The following DDX60L variants were observed in gnomAD, a reference collection of about 807,000 sequenced individuals.
The protein encoded by DDX60L is DExD/H-box 60 like, also known as probable ATP-dependent RNA helicase DDX60-like.
Under a neutral mutation model 211.6 loss-of-function variants are expected in DDX60L, and 191 were observed. The ratio of observed to expected loss-of-function variants is 0.90; its 90% confidence interval spans 0.80 to 1.02. DDX60L has a LOEUF of 1.02. Among genes scored for constraint, DDX60L ranks in the 50% least tolerant of loss-of-function variants. The pLI, the probability that DDX60L is intolerant of heterozygous loss-of-function variation, is 0.00. For synonymous variants in DDX60L, 706 were observed against 694.1 expected (o/e 1.02, Z -0.27); for missense variants, 2,007 against 1,984.1 (o/e 1.01, Z -0.22).
At chr4:168,449,651 G>GCAAAAAAAAAAAAAAAAAAAAAAAAAAAA (rs1247848834) in intron 8 of DDX60L, among the ~76,000 whole-genome samples, 1 of 7,516 alleles carries the variant, frequency 1.3e-4, no homozygotes, top group Admixed American at 1.6e-3. Flanking sequence ...AAAAAAAAAT[G>GCAAAAAAAAAAAAAAAAAAAAAAAAAAAA]CAAAAAAAAA....
chr4:168,373,950 C>T (rs568529328), intron 34 of DDX60L, 142 bp from the exon 35 acceptor site: 1 of 754,810 alleles, frequency 1.3e-6, no homozygotes, highest in African/African-American at 1.8e-5. Flanking sequence ...TGCATAAAGT[C>T]ATTAACACAG....
At chr4:168,363,981 G>T (rs114642496) in intron 36 of DDX60L, among the ~76,000 whole-genome samples, 11,423 of 152,240 alleles carry the variant, frequency 0.075, 623 homozygotes, top group Admixed American at 0.13. Context: ...TTAGCCAGGT[G>T]TGGTGGTGTG....
intron 1 of DDX60L, among the ~76,000 whole-genome samples, chr4:168,473,786 C>CT (rs35826491): frequency 6.6e-6 from 1 of 152,200 alleles, no homozygotes; most frequent in Admixed American, 6.5e-5. Flanking sequence ...CCAAAATGAA[C>CT]TTTTGGCACT....
intron 17 of DDX60L, 77 bp from the exon 18 acceptor site, chr4:168,420,457 TAC>T: frequency 3.7e-6 from 3 of 815,836 alleles, no homozygotes; most frequent in Admixed American, 3.3e-5. Flanking sequence ...ACCGAATCCA[TAC>T]ACATACACAC....
At chr4:168,456,369 T>G (rs2712143) in intron 6 of DDX60L, among the ~76,000 whole-genome samples, 65,852 of 151,666 alleles carry the variant, frequency 0.43, 14,609 homozygotes, top group South Asian at 0.5. Context: ...AACCTAAATA[T>G]GTAAAGAAAT....
At chr4:168,466,102 A>C (rs181541147) in intron 4 of DDX60L, among the ~76,000 whole-genome samples, 1 of 152,290 alleles carries the variant, frequency 6.6e-6, no homozygotes, top group East Asian at 1.9e-4. Context: ...TACTGTTCAT[A>C]AATAGAAAAT....
At chr4:168,371,801 TG>T in intron 35 of DDX60L, 38 bp from the exon 36 acceptor site, 1 of 1,541,246 alleles carries the variant, frequency 6.5e-7, no homozygotes. Flanking sequence ...ATTACTGATA[TG>T]TAAAGAGTAA....
At chr4:168,419,255 G>T in intron 19 of DDX60L, 47 bp downstream of exon 19, 1 of 1,330,214 alleles carries the variant, frequency 7.5e-7, no homozygotes, top group Admixed American at 2.1e-5. Flanking sequence ...AAATTATAGG[G>T]TGTATGCAGA....
At chr4:168,425,408 C>G (rs1751298311) in intron 14 of DDX60L, among the ~76,000 whole-genome samples, 2 of 152,188 alleles carry the variant, frequency 1.3e-5, no homozygotes, top group Non-Finnish European at 2.9e-5. Flanking sequence ...AGGACATACT[C>G]AAGACAGGGT....
chr4:168,435,895 T>A (rs1752973169), intron 10 of DDX60L, among the ~76,000 whole-genome samples: 3 of 152,114 alleles, frequency 2.0e-5, no homozygotes, highest in Admixed American at 2.0e-4. Flanking sequence ...CAGCAAAAAT[T>A]CAGAGAATTT....
intron 26 of DDX60L, among the ~76,000 whole-genome samples, chr4:168,399,666 C>T (rs757291296): frequency 6.6e-6 from 1 of 152,044 alleles, no homozygotes; most frequent in Non-Finnish European, 1.5e-5. Flanking sequence ...TAACAAATGG[C>T]AAGGACCTGA....
rs577871694 is a variant in DDX60L at position 168,398,452 on chromosome 4, C to T, written c.3492-2328G>A. ...GAGCAGCTCGGCACTGGCCTGCAGG[C>T]GGCCCTTTGGCACAAAGAGCCTGGG... On this transcript the variant is annotated intron_variant, in intron 26 of 37. Transcript: ENST00000682922. Among the ~76,000 whole-genome samples, 20 of 152,302 alleles carry T rather than the reference C, an allele frequency of 1.3e-4. No homozygotes were observed. The South Asian group carries it at 2.3e-3, about 17-fold the overall frequency.
At chr4:168,455,495 G>A (rs566008559) in intron 7 of DDX60L, among the ~76,000 whole-genome samples, 1 of 152,224 alleles carries the variant, frequency 6.6e-6, no homozygotes, top group South Asian at 2.1e-4. Flanking sequence ...AAGCTGTGGA[G>A]CCAACCATCC....
chr4:168,423,228 T>A (rs1384658774), intron 15 of DDX60L, among the ~76,000 whole-genome samples: 3 of 152,144 alleles, frequency 2.0e-5, no homozygotes, highest in African/African-American at 7.2e-5. Flanking sequence ...AAAAAGTTCA[T>A]CCTGGAATTG....
chr4:168,431,031 T>C (rs1233362962), intron 12 of DDX60L, among the ~76,000 whole-genome samples: 1 of 152,238 alleles, frequency 6.6e-6, no homozygotes. Context: ...CTGTCAATTT[T>C]GGTCTCTTGG....
chr4:168,417,327 T>G (rs149511192), intron 19 of DDX60L, among the ~76,000 whole-genome samples: 1 of 152,180 alleles, frequency 6.6e-6, no homozygotes, highest in Non-Finnish European at 1.5e-5. Context: ...TTCCCCGCCA[T>G]GCACTCTGCT....
intron 22 of DDX60L, among the ~76,000 whole-genome samples, chr4:168,412,967 C>G (rs960400910): frequency 6.6e-6 from 1 of 152,250 alleles, no homozygotes. Context: ...CCTCACTGAG[C>G]TTGGGGTGCC....
At chr4:168,365,562 C>T (rs1739833036) in intron 36 of DDX60L, among the ~76,000 whole-genome samples, 1 of 150,858 alleles carries the variant, frequency 6.6e-6, no homozygotes, top group Admixed American at 6.6e-5. Context: ...AAGCCCACGA[C>T]TTAATGGCTT....
chr4:168,441,591 T>C (rs1164381807), intron 9 of DDX60L, 99 bp from the exon 10 acceptor site: 2 of 978,380 alleles, frequency 2.0e-6, no homozygotes, highest in Admixed American at 2.6e-5. Context: ...TCTGGAAAGA[T>C]GATCAAATAT....
Sources: gnomAD v4.1 joint callset for allele counts (sites outside exome capture counted in the v4.1 genomes callset) on GRCh38, gnomAD v4.1.1 for gene constraint, MANE v1.5 for transcripts, NCBI Gene and HGNC (gene_info 2026-07-23, HGNC 2026-07-21) for gene names.